The following CAPN2 variants were observed in gnomAD, a reference collection of about 807,000 sequenced individuals.
The protein encoded by CAPN2 is calpain-2 catalytic subunit.
A neutral mutation model predicts 102.3 loss-of-function variants in CAPN2; 92 were observed. The ratio of observed to expected loss-of-function variants is 0.90; its 90% CI spans 0.76 to 1.07. The LOEUF is 1.07. Among genes scored for constraint, CAPN2 ranks in the 50% least tolerant of loss-of-function variants. CAPN2 has a pLI of 0.00. For missense variants in CAPN2, 800 were observed against 909.4 expected, an observed-to-expected ratio of 0.88 and a Z score of 1.55; for synonymous variants, 340 against 355.4, an observed-to-expected ratio of 0.96 and a Z score of 0.49.
At position 223,755,752 on chromosome 1, in the gene CAPN2, C is replaced by T; in HGVS notation, c.1305+103C>T. 8.3e-7 allele frequency: 1 copy of T among 1,209,292 alleles called. No individual in the cohort carries two copies. The highest frequency in any genetic ancestry group is 1.1e-6 in the Non-Finnish European group (1 of 888,764). The allele number at this position is 1,209,292 out of a possible 1,614,324, so 74.9% of individuals were successfully genotyped here. ...GCAGAACTGGGGATGGGATCCCAGACCGGGAGCTTGGCCAAGGAAAAACAA... is the reference window on the plus strand; with the variant it reads ...GCAGAACTGGGGATGGGATCCCAGATCGGGAGCTTGGCCAAGGAAAAACAA... On this transcript the variant is annotated intron_variant, in intron 10 of 20. Coordinates refer to ENST00000295006, the MANE Select transcript of CAPN2 (RefSeq NM_001748.5). The surrounding 1 kb of genome is among the most constrained non-coding windows in gnomAD (Gnocchi z 4.1).
In CAPN2 at chr1:223,745,473, T is replaced by G. The variant is rs1018001376; in HGVS notation, c.560+34T>G. ...CCATCCTCCCCTGGCCCCATGGCCT[T>G]CCCCCAATGCCCTGGATTCCAAAAA... On this transcript the variant is annotated intron_variant, in intron 4 of 20. Transcript: ENST00000295006. The G allele has an allele frequency of 2.5e-6, 4 of 1,612,962 alleles. No individual in the cohort carries two copies. In the African/African-American group the frequency reaches 4.0e-5, roughly 16 times the overall value.
chr1:223,766,953 C>T (rs1396657137), intron 16 of CAPN2, among the ~76,000 whole-genome samples: 2 of 149,578 alleles, frequency 1.3e-5, no homozygotes, highest in Non-Finnish European at 3.0e-5. Flanking sequence ...GAGCGTGACT[C>T]ATCGCCAAAA....
At chr1:223,712,077 T>G (rs1659742986), upstream of CAPN2, among the ~76,000 whole-genome samples, 1 of 152,160 alleles carries the variant, frequency 6.6e-6, no homozygotes, top group African/African-American at 2.4e-5. Context: ...ATCTGTAAAA[T>G]GGGGACAATA....
At position 223,755,445 on chromosome 1, in the gene CAPN2, C is replaced by T; in HGVS notation, c.1136-35C>T. Reference sequence around the variant, plus strand: ...CCCCCCACCCCCATGCATTCCTGCTCAGGGCTGGGCTCCTCTGCCCCTTTC... The same window carrying T: ...CCCCCCACCCCCATGCATTCCTGCTTAGGGCTGGGCTCCTCTGCCCCTTTC... On this transcript the variant is annotated intron_variant, in intron 9 of 20. Coordinates refer to ENST00000295006, the MANE Select transcript of CAPN2 (RefSeq NM_001748.5). The surrounding 1 kb of genome is among the most constrained non-coding windows in gnomAD (Gnocchi z 4.1). The T allele has an allele frequency of 6.2e-7, 1 of 1,610,630 alleles. No individual in the cohort carries two copies. The highest frequency in any genetic ancestry group is 8.5e-7 in the Non-Finnish European group (1 of 1,178,142).
chr1:223,758,373 C>T (rs1399184675), intron 11 of CAPN2: 2 of 152,232 alleles, frequency 1.3e-5, no homozygotes, highest in African/African-American at 2.4e-5. Context: ...GCAGTGCAAC[C>T]GGTAGCACAT....
intron 2 of CAPN2, among the ~76,000 whole-genome samples, chr1:223,737,164 C>T (rs929355863): frequency 4.6e-5 from 7 of 152,188 alleles, no homozygotes; most frequent in Admixed American, 3.3e-4. Context: ...GCATAAGGCT[C>T]GTGGGGCACC....
chr1:223,751,028 G>A, intron 7 of CAPN2, 53 bp downstream of exon 7: 1 of 1,400,968 alleles, frequency 7.1e-7, no homozygotes, highest in Non-Finnish European at 9.9e-7. Flanking sequence ...TGTGCTGGGA[G>A]GCTCTGGGAA....
intron 16 of CAPN2, among the ~76,000 whole-genome samples, chr1:223,766,830 G>C (rs563352561): frequency 5.9e-5 from 9 of 151,934 alleles, no homozygotes; most frequent in East Asian, 3.9e-4. Context: ...TGTGGTGGCG[G>C]GCACCTGTAA....
At chr1:223,749,897 C>G (rs1660843755) in intron 6 of CAPN2, among the ~76,000 whole-genome samples, 2 of 152,112 alleles carry the variant, frequency 1.3e-5, no homozygotes, top group African/African-American at 4.8e-5. Context: ...GTCGTCCCAG[C>G]TACTCGGGAG....
At chr1:223,736,055 G>A (rs1196520913) in intron 2 of CAPN2, among the ~76,000 whole-genome samples, 1 of 152,144 alleles carries the variant, frequency 6.6e-6, no homozygotes, top group African/African-American at 2.4e-5. Context: ...TGAGATTACA[G>A]GGTGAGCCAC....
intron 1 of CAPN2, among the ~76,000 whole-genome samples, chr1:223,704,601 C>T (rs974636457): frequency 2.0e-5 from 3 of 152,034 alleles, no homozygotes; most frequent in Admixed American, 6.6e-5. Flanking sequence ...AGTCACGGTC[C>T]GTGTGACACA....
intron 1 of CAPN2, among the ~76,000 whole-genome samples, chr1:223,713,720 G>C (rs2102771678): frequency 6.6e-6 from 1 of 152,284 alleles, no homozygotes; most frequent in East Asian, 1.9e-4. Flanking sequence ...TGAGAACAAG[G>C]CTTCCAGCTC....
chr1:223,768,797 T>A (rs1298841690), intron 16 of CAPN2, among the ~76,000 whole-genome samples: 1 of 151,576 alleles, frequency 6.6e-6, no homozygotes, highest in Non-Finnish European at 1.5e-5. Flanking sequence ...ATTTTCACAA[T>A]ATTGATTCTT....
intron 1 of CAPN2, among the ~76,000 whole-genome samples, chr1:223,716,709 C>G (rs1235101415): frequency 6.6e-6 from 1 of 151,916 alleles, no homozygotes; most frequent in Non-Finnish European, 1.5e-5. Context: ...GTTGCCTGAG[C>G]CCAGAGAGGC....
chr1:223,710,805 C>T (rs1379483985), upstream of CAPN2, among the ~76,000 whole-genome samples: 1 of 148,428 alleles, frequency 6.7e-6, no homozygotes, highest in African/African-American at 2.5e-5. Flanking sequence ...CTGGAAGCCA[C>T]CCCCACTACC....
chr1:223,712,591 C>G lies in CAPN2; in HGVS notation c.-50C>G. On this transcript the variant is annotated 5_prime_UTR_variant, in exon 1 of 21. Transcript: ENST00000295006. Reference sequence around the variant, plus strand: ...GGCCGCGCCCCAGCCGAGCGCAGCGCGGAGTCGCCCCGACCTTTCTCTGCG... The same window carrying G: ...GGCCGCGCCCCAGCCGAGCGCAGCGGGGAGTCGCCCCGACCTTTCTCTGCG... 6.9e-7 allele frequency: 1 copy of G among 1,452,212 alleles called. No homozygotes were observed. Among genetic ancestry groups the G allele is most frequent in the Non-Finnish European group, 9.1e-7 (1 of 1,102,602 alleles). 90.0% of individuals were successfully genotyped at this position (1,452,212 alleles called of 1,614,324 possible).
intron 9 of CAPN2, among the ~76,000 whole-genome samples, 183 bp downstream of exon 9, chr1:223,753,139 G>C (rs28370083): frequency 6.8e-6 from 1 of 146,582 alleles, no homozygotes; most frequent in African/African-American, 2.7e-5. Context: ...TTTTCTCCCC[G>C]AGCTCTCTTT....
At chr1:223,750,058 C>T (rs1447965003) in intron 6 of CAPN2, among the ~76,000 whole-genome samples, 8 of 152,154 alleles carry the variant, frequency 5.3e-5, no homozygotes. Context: ...TTACAGAACC[C>T]AGTCTAGACC....
At chr1:223,763,147 C>G (rs1272794740) in intron 14 of CAPN2, among the ~76,000 whole-genome samples, 1 of 151,860 alleles carries the variant, frequency 6.6e-6, no homozygotes, top group African/African-American at 2.4e-5. Flanking sequence ...AAAAAAATCC[C>G]TCAGCCATTT....
Sources: gnomAD v4.1 joint callset for allele counts (sites outside exome capture counted in the v4.1 genomes callset) on GRCh38, gnomAD v4.1.1 for gene constraint, Gnocchi (gnomAD v3.1) non-coding constraint, MANE v1.5 for transcripts, NCBI Gene and HGNC (gene_info 2026-07-23, HGNC 2026-07-21) for gene names.